The following LPP variants were observed in gnomAD, a reference collection of about 807,000 sequenced individuals.
LPP encodes LIM domain containing preferred translocation partner in lipoma, also known as lipoma-preferred partner.
Under a neutral mutation model 60.4 loss-of-function variants are expected in LPP, and 38 were observed. The observed-to-expected ratio is 0.63, with a 90% CI of 0.49 to 0.83. LPP has a LOEUF of 0.83. Ranked by LOEUF, LPP falls within the 40% of genes least tolerant of loss-of-function variation. The pLI is 0.00. For missense variants in LPP, 902 were observed against 783.6 expected (o/e 1.15, Z -1.80); for synonymous variants, 328 against 290.8 (o/e 1.13, Z -1.30).
At chr3:188,784,228 T>A (rs1740810167) in intron 9 of LPP, among the ~76,000 whole-genome samples, 1 of 151,340 alleles carries the variant, frequency 6.6e-6, no homozygotes, top group African/African-American at 2.4e-5. Context: ...TCCAATTTCA[T>A]CCAGGTCACT....
At chr3:188,570,487 T>C (rs992684037) in intron 6 of LPP, among the ~76,000 whole-genome samples, 4 of 152,044 alleles carry the variant, frequency 2.6e-5, no homozygotes, top group Admixed American at 1.3e-4. Context: ...AGGCATAAAA[T>C]AGCCCAGCTG....
At chr3:188,464,631 A>T (rs1003065748) in intron 4 of LPP, among the ~76,000 whole-genome samples, 2 of 152,206 alleles carry the variant, frequency 1.3e-5, no homozygotes, top group Non-Finnish European at 2.9e-5. Flanking sequence ...CACGTTTTAA[A>T]GTGATTTCAT....
intron 1 of LPP, among the ~76,000 whole-genome samples, chr3:188,215,740 G>C (rs1713296343): frequency 1.3e-5 from 2 of 152,216 alleles, no homozygotes; most frequent in African/African-American, 4.8e-5. Context: ...GGTTAATTAA[G>C]TAAGTGGCCC....
At chr3:188,690,142 T>C (rs1861782807) in intron 7 of LPP, among the ~76,000 whole-genome samples, 1 of 152,192 alleles carries the variant, frequency 6.6e-6, no homozygotes, top group Non-Finnish European at 1.5e-5. Flanking sequence ...CAAATGGAAT[T>C]GACCTAGTCT....
chr3:188,199,803 C>G (rs905609951), intron 1 of LPP, among the ~76,000 whole-genome samples: 2 of 151,978 alleles, frequency 1.3e-5, no homozygotes, highest in Non-Finnish European at 2.9e-5. Context: ...CAACCTCCCC[C>G]TCCCAGGTTC....
intron 3 of LPP, among the ~76,000 whole-genome samples, chr3:188,363,780 C>CTGTAAT (rs1297996662): frequency 1.3e-5 from 2 of 151,960 alleles, no homozygotes; most frequent in African/African-American, 4.8e-5. Flanking sequence ...TGGCGGGCTC[C>CTGTAAT]TGTAATCCCA....
At chr3:188,211,663 C>T (rs1462359958) in intron 1 of LPP, among the ~76,000 whole-genome samples, 2 of 152,088 alleles carry the variant, frequency 1.3e-5, no homozygotes, top group Non-Finnish European at 2.9e-5. Context: ...AGCAATTCAC[C>T]CCCACTTTTC....
chr3:188,166,373 C>A (rs977037108), intron 1 of LPP, among the ~76,000 whole-genome samples: 7 of 152,112 alleles, frequency 4.6e-5, no homozygotes, highest in Admixed American at 1.3e-4. Context: ...ACAACCATTT[C>A]GTTGCCAATA....
At chr3:188,707,410 A>T (rs1865695875) in intron 7 of LPP, among the ~76,000 whole-genome samples, 1 of 152,128 alleles carries the variant, frequency 6.6e-6, no homozygotes, top group South Asian at 2.1e-4. Context: ...CCCCTGCCCA[A>T]CCTGGCCGCG....
intron 3 of LPP, among the ~76,000 whole-genome samples, chr3:188,357,996 A>G (rs1768107609): frequency 6.6e-6 from 1 of 152,170 alleles, no homozygotes; most frequent in Non-Finnish European, 1.5e-5. Context: ...CAATTTTGAA[A>G]GATTGACATA....
chr3:188,537,951 A>G (rs1824090596), intron 6 of LPP, among the ~76,000 whole-genome samples: 1 of 152,144 alleles, frequency 6.6e-6, no homozygotes, highest in South Asian at 2.1e-4. Flanking sequence ...ATGTTTATGG[A>G]CAATTGATTT....
intron 5 of LPP, among the ~76,000 whole-genome samples, chr3:188,488,388 T>G (rs1807247021): frequency 7.8e-6 from 1 of 127,664 alleles, no homozygotes; most frequent in Non-Finnish European, 1.9e-5. Context: ...AGATGCAACT[T>G]GGAAAACAGG....
At chr3:188,804,985 T>C (rs1748642089) in intron 9 of LPP, among the ~76,000 whole-genome samples, 1 of 152,012 alleles carries the variant, frequency 6.6e-6, no homozygotes, top group Admixed American at 6.6e-5. Context: ...CTGGTTCATA[T>C]GGTAGGTAAC....
At chr3:188,805,441 G>C (rs1489892162) in intron 9 of LPP, among the ~76,000 whole-genome samples, 1 of 111,644 alleles carries the variant, frequency 9.0e-6, no homozygotes, top group Non-Finnish European at 1.8e-5. Flanking sequence ...CTGTGGTATT[G>C]TTTCCCTCTC....
chr3:188,464,625 T>G (rs1255686686), intron 4 of LPP, among the ~76,000 whole-genome samples: 1 of 152,124 alleles, frequency 6.6e-6, no homozygotes, highest in Admixed American at 6.6e-5. Flanking sequence ...AGATATCACG[T>G]TTTAAAGTGA....
chr3:188,154,187 A>AGCCGCCGCC lies in LPP; in HGVS notation c.-236_-228dup, dbSNP rs542213743. ...CTCCTCTGCCTCTGCCTCCGCCTCCAGCCGCCGCCGCCGCCGCCGCCGCCG... is the reference window on the plus strand; with the variant it reads ...CTCCTCTGCCTCTGCCTCCGCCTCCAGCCGCCGCCGCCGCCGCCGCCGCCGCCGCCGCCG... On this transcript the variant is annotated 5_prime_UTR_variant, in exon 1 of 12. Coordinates refer to ENST00000617246, the MANE Select transcript of LPP (RefSeq NM_001375462.1). The AGCCGCCGCC allele has an allele frequency of 1.9e-4, 40 of 212,106 alleles. 1 individual carries two copies. The highest frequency in any genetic ancestry group is 3.3e-4 in the South Asian group (5 of 15,134). The allele number at this position is 212,106 out of a possible 1,614,324, so 13.1% of individuals were successfully genotyped here.
intron 1 of LPP, among the ~76,000 whole-genome samples, chr3:188,224,397 G>A (rs1560126308): frequency 1.3e-5 from 2 of 152,154 alleles, no homozygotes; most frequent in Non-Finnish European, 2.9e-5. Flanking sequence ...TGAAAGACAA[G>A]TTTTATAACA....
At chr3:188,755,476 A>G (rs543334191) in intron 8 of LPP, among the ~76,000 whole-genome samples, 1 of 152,260 alleles carries the variant, frequency 6.6e-6, no homozygotes, top group Admixed American at 6.5e-5. Flanking sequence ...CCATCATGAA[A>G]GAAACAAATT....
intron 3 of LPP, among the ~76,000 whole-genome samples, chr3:188,344,979 T>C (rs1560275734): frequency 6.6e-6 from 1 of 152,162 alleles, no homozygotes; most frequent in Non-Finnish European, 1.5e-5. Flanking sequence ...ACTGGATCTG[T>C]AAAGGAGATC....
Sources: allele counts gnomAD v4.1 joint callset (sites outside exome capture counted in the v4.1 genomes callset), GRCh38; gene constraint gnomAD v4.1.1; transcripts MANE v1.5; gene names NCBI Gene and HGNC (gene_info 2026-07-23, HGNC 2026-07-21).